The following ABLIM1 variants were observed in gnomAD, a reference collection of about 807,000 sequenced individuals.
ABLIM1 encodes the protein actin binding LIM protein 1.
ABLIM1 carries 40 observed loss-of-function variants against 107.0 expected under a neutral mutation model. The observed-to-expected ratio is 0.37, with a 90% confidence interval of 0.29 to 0.49. The LOEUF is 0.49. Among genes scored for constraint, ABLIM1 ranks in the 20% least tolerant of loss-of-function variants. The pLI, the probability that ABLIM1 is intolerant of heterozygous loss-of-function variation, is 0.97. For missense variants in ABLIM1, 857 were observed against 1,008.5 expected (o/e 0.85, Z 2.04); for synonymous variants, 357 against 357.3 (o/e 1.00, Z 0.01).
Position 114,433,963 on chromosome 10 carries a change from C to T in ABLIM1, c.*2297G>A, listed in dbSNP as rs949248139. 2 of 152,176 alleles carry T rather than the reference C, an allele frequency of 1.3e-5. No individual in the cohort carries two copies. The highest frequency in any genetic ancestry group is 4.8e-5 in the African/African-American group (2 of 41,432). 9.4% of individuals were successfully genotyped at this position (152,176 alleles called of 1,614,324 possible). On this transcript the variant is annotated 3_prime_UTR_variant, in exon 23 of 23. Transcript: ENST00000533213. ...CTCCATAATGAAAAAAATCTCTCCA[C>T]CAGCCAAGTGCTGGGACCCAGGTGG...
At chr10:114,452,529 A>G (rs1589818928) in intron 13 of ABLIM1, among the ~76,000 whole-genome samples, 1 of 152,220 alleles carries the variant, frequency 6.6e-6, no homozygotes, top group East Asian at 1.9e-4. Flanking sequence ...AGGTAAGTTT[A>G]GAAGCAAAAG....
At chr10:114,524,971 C>T (rs972468194) in intron 6 of ABLIM1, among the ~76,000 whole-genome samples, 1 of 152,276 alleles carries the variant, frequency 6.6e-6, no homozygotes, top group African/African-American at 2.4e-5. Context: ...AGCCTCCTCT[C>T]ATAGACCCTT....
At chr10:114,572,159 A>G (rs969347173) in intron 3 of ABLIM1, among the ~76,000 whole-genome samples, 1 of 152,206 alleles carries the variant, frequency 6.6e-6, no homozygotes, top group Non-Finnish European at 1.5e-5. Flanking sequence ...GAACAGACAT[A>G]TGACAGTTTC....
At chr10:114,492,171 T>A (rs1276399695) in intron 6 of ABLIM1, among the ~76,000 whole-genome samples, 1 of 151,786 alleles carries the variant, frequency 6.6e-6, no homozygotes, top group Non-Finnish European at 1.5e-5. Flanking sequence ...TAACACACCA[T>A]ATGCCTGAGA....
chr10:114,552,203 T>A (rs975001229), intron 4 of ABLIM1, among the ~76,000 whole-genome samples: 1 of 152,224 alleles, frequency 6.6e-6, no homozygotes, highest in Non-Finnish European at 1.5e-5. Flanking sequence ...GTGGAAAAGA[T>A]GCAGAGACAA....
At chr10:114,752,654 T>C (rs1016823945) in intron 1 of ABLIM1, among the ~76,000 whole-genome samples, 1 of 152,222 alleles carries the variant, frequency 6.6e-6, no homozygotes, top group Non-Finnish European at 1.5e-5. Context: ...TGTGTTCTCA[T>C]TGTTCAGCTC....
intron 1 of ABLIM1, among the ~76,000 whole-genome samples, chr10:114,705,560 G>T (rs147276537): frequency 2.5e-3 from 376 of 152,288 alleles, no homozygotes; most frequent in African/African-American, 8.6e-3. Context: ...AATGGAGATG[G>T]TTTGGGGATG....
At chr10:114,449,834 G>A (rs2061570051) in intron 14 of ABLIM1, among the ~76,000 whole-genome samples, 1 of 152,146 alleles carries the variant, frequency 6.6e-6, no homozygotes, top group Non-Finnish European at 1.5e-5. Flanking sequence ...TATTTCTTTG[G>A]CATGGAATGG....
At chr10:114,459,143 G>T (rs981700964) in intron 12 of ABLIM1, among the ~76,000 whole-genome samples, 1 of 152,256 alleles carries the variant, frequency 6.6e-6, no homozygotes, top group African/African-American at 2.4e-5. Context: ...CTTGGGCAAT[G>T]GAAGGCTGGG....
chr10:114,572,298 A>C (rs1194011356), intron 3 of ABLIM1, among the ~76,000 whole-genome samples: 1 of 152,246 alleles, frequency 6.6e-6, no homozygotes, highest in Non-Finnish European at 1.5e-5. Flanking sequence ...TCTTAGTTAG[A>C]AGCAATTACT....
chr10:114,452,144 T>A lies in ABLIM1; in HGVS notation c.1547-473A>T, dbSNP rs558120829. Among the ~76,000 whole-genome samples the A allele has an allele frequency of 5.9e-5, 9 of 151,936 alleles. No individual in the cohort carries two copies. In the East Asian group the frequency reaches 1.2e-3, roughly 20 times the overall value. ...AATGTAGAAAAATCAAAAGTTTTTT[T>A]AAAAAAAACAGAAACTTTTTATGTG... On this transcript the variant is annotated intron_variant, in intron 13 of 22. Coordinates refer to ENST00000533213, the MANE Select transcript of ABLIM1 (RefSeq NM_002313.7).
At chr10:114,535,112 C>T (rs1051052741) in intron 6 of ABLIM1, among the ~76,000 whole-genome samples, 43 of 152,320 alleles carry the variant, frequency 2.8e-4, no homozygotes, top group Admixed American at 4.6e-4. Flanking sequence ...TGTTCTTCTC[C>T]AGTAAAGTGT....
chr10:114,541,074 C>T (rs920796999), intron 6 of ABLIM1, among the ~76,000 whole-genome samples: 4 of 152,036 alleles, frequency 2.6e-5, no homozygotes, highest in African/African-American at 7.2e-5. Flanking sequence ...GGAGACAACA[C>T]GCAAAAGGCG....
chr10:114,465,542 G>T, intron 12 of ABLIM1, 156 bp downstream of exon 12: 3 of 786,448 alleles, frequency 3.8e-6, no homozygotes, highest in Non-Finnish European at 5.7e-6. Flanking sequence ...AAAAGATAGA[G>T]CATAAAATAT....
upstream of ABLIM1, among the ~76,000 whole-genome samples, chr10:114,770,814 C>A (rs927097389): frequency 6.6e-6 from 1 of 152,122 alleles, no homozygotes; most frequent in Non-Finnish European, 1.5e-5. Context: ...GGTCCCAGAA[C>A]TGTGTGCCTT....
At chr10:114,534,850 G>T (rs891200614) in intron 6 of ABLIM1, among the ~76,000 whole-genome samples, 1 of 152,182 alleles carries the variant, frequency 6.6e-6, no homozygotes, top group Non-Finnish European at 1.5e-5. Context: ...AGATAAGAAA[G>T]CCCTTCCATT....
chr10:114,513,622 G>A (rs1001643459), intron 6 of ABLIM1, among the ~76,000 whole-genome samples: 5 of 152,086 alleles, frequency 3.3e-5, no homozygotes, highest in African/African-American at 1.2e-4. Context: ...TCTGTGTGCT[G>A]GTATGCTCAG....
chr10:114,655,439 A>G (rs1432655990), intron 1 of ABLIM1, among the ~76,000 whole-genome samples: 5 of 152,166 alleles, frequency 3.3e-5, no homozygotes, highest in Non-Finnish European at 5.9e-5. Flanking sequence ...AACAGATCTT[A>G]TCTCTTTCAA....
chr10:114,658,176 A>C lies in ABLIM1; in HGVS notation c.25T>G (p.Cys9Gly), dbSNP rs776013005. MPAFLGLKCLGKLCSSEKS... is the reference protein window; with the variant it reads MPAFLGLKGLGKLCSSEKS... ...TCAGAGCTGCACAATTTCCCCAGAC[A>C]CTTTAGACCAAGGAAGGCAGGCATC... Residue 9 changes from cysteine to glycine, a missense_variant, in exon 1 of 23, where the codon TGT becomes GGT. Coordinates refer to ENST00000533213, the MANE Select transcript of ABLIM1 (RefSeq NM_002313.7). The C allele has an allele frequency of 6.2e-7, 1 of 1,609,190 alleles. No homozygotes were observed. Among genetic ancestry groups the C allele is most frequent in the South Asian group, 1.1e-5 (1 of 90,756 alleles).
Sources: gnomAD v4.1 joint callset for allele counts (sites outside exome capture counted in the v4.1 genomes callset) on GRCh38, gnomAD v4.1.1 for gene constraint, MANE v1.5 for transcripts, NCBI Gene and HGNC (gene_info 2026-07-23, HGNC 2026-07-21) for gene names.